Variants in SNN observed in about 807,000 individuals in gnomAD.
SNN encodes stannin.
In SNN, 5 loss-of-function variants were observed where a neutral mutation model predicts 5.3. The observed-to-expected ratio is 0.94, with a 90% CI of 0.49 to 1.97. SNN has a LOEUF of 1.97. Ranked by LOEUF, SNN falls within the 30% of genes most tolerant of loss-of-function variation. The pLI is 0.01. For synonymous variants in SNN, 67 were observed against 52.1 expected (o/e 1.29, Z -1.24); for missense variants, 127 against 121.6 (o/e 1.04, Z -0.21).
rs1444709011 is a variant in SNN at position 11,672,284 on chromosome 16, C to T, written c.-85-3691C>T. On this transcript the variant is annotated intron_variant, in intron 1 of 1. Coordinates refer to ENST00000329565, the MANE Select transcript of SNN (RefSeq NM_003498.6). The surrounding 1 kb of genome is among the most constrained non-coding windows in gnomAD (Gnocchi z 6.0). Reference sequence around the variant, plus strand: ...GAGTGAGACAGCAGCCAGGGGACAGCCCCTGAGCCTAGAGAAGGGCAGGTA... The same window carrying T: ...GAGTGAGACAGCAGCCAGGGGACAGTCCCTGAGCCTAGAGAAGGGCAGGTA... Among the ~76,000 whole-genome samples the T allele has an allele frequency of 6.6e-6, 1 of 152,166 alleles. No individual in the cohort carries two copies. The highest frequency in any genetic ancestry group is 1.5e-5 in the Non-Finnish European group (1 of 68,024).
In SNN at chr16:11,676,443, T is replaced by C; in HGVS notation, c.*117T>C. 1 of 1,282,948 alleles carries C rather than the reference T, an allele frequency of 7.8e-7. No homozygotes were observed. The highest frequency in any genetic ancestry group is 1.1e-6 in the Non-Finnish European group (1 of 936,556). 79.5% of individuals were successfully genotyped at this position (1,282,948 alleles called of 1,614,324 possible). A position where few individuals can be genotyped will look rare whatever the true frequency, so the allele number is the denominator to read the frequency against. ...AGGGCTGACACTTGCTGGCATGGCC[T>C]CTGCGGGCTTCGTCATCGCATGCAC... On this transcript the variant is annotated 3_prime_UTR_variant, in exon 2 of 2. Transcript: ENST00000329565.
Position 11,677,761 on chromosome 16 carries a change from A to G in SNN, c.*1435A>G. ...TGACTCGTGCCTGCCCATCCCTGTA[A>G]TAGATGGAAGGTCAGCCCCGGCTTA... On this transcript the variant is annotated 3_prime_UTR_variant, in exon 2 of 2. Coordinates refer to ENST00000329565, the MANE Select transcript of SNN (RefSeq NM_003498.6). The surrounding 1 kb of genome is among the most constrained non-coding windows in gnomAD (Gnocchi z 4.2). 6.0e-6 allele frequency: 1 copy of G among 167,192 alleles called. No homozygotes were observed. The allele number at this position is 167,192 out of a possible 1,614,324, so 10.4% of individuals were successfully genotyped here. A position where few individuals can be genotyped will look rare whatever the true frequency, so the allele number is the denominator to read the frequency against.
chr16:11,674,110 A>C (rs1300668034), intron 1 of SNN, among the ~76,000 whole-genome samples: 1 of 152,210 alleles, frequency 6.6e-6, no homozygotes, highest in African/African-American at 2.4e-5. Flanking sequence ...CTGTTCCTCA[A>C]GGACGCAGCA....
Position 11,676,120 on chromosome 16 carries a change from G to T in SNN, c.61G>T (p.Ala21Ser). ...GVVTVIVILI[A>S]IAALGALILG... ...GGTCACAGTCATCGTCATCCTCATT[G>T]CCATCGCGGCCCTGGGGGCCTTGAT... The change falls in exon 2 of 2, where the codon GCC (alanine) becomes TCC (serine). Residue 21 changes from alanine (A) to serine (S), a missense_variant. By Grantham distance (99) the Ala-to-Ser change is moderately conservative. Transcript: ENST00000329565. The T allele has an allele frequency of 1.9e-6, 3 of 1,614,092 alleles. No individual in the cohort carries two copies. Among genetic ancestry groups the T allele is most frequent in the Non-Finnish European group, 2.5e-6 (3 of 1,179,984 alleles).
chr16:11,676,341 C>T lies in SNN; in HGVS notation c.*15C>T. 1 of 1,604,374 alleles carries T rather than the reference C, an allele frequency of 6.2e-7. No individual in the cohort carries two copies. The highest frequency in any genetic ancestry group is 2.2e-5 in the East Asian group (1 of 44,608). On this transcript the variant is annotated 3_prime_UTR_variant, in exon 2 of 2. Coordinates refer to ENST00000329565, the MANE Select transcript of SNN (RefSeq NM_003498.6). ...TCCACGGCTGAGCCAGGATGCAAGG[C>T]TCCTGGTCCTGTTTGCAGCCGGCCA...
intron 1 of SNN, among the ~76,000 whole-genome samples, chr16:11,673,255 G>A (rs1218197119): frequency 1.3e-5 from 2 of 152,148 alleles, no homozygotes; most frequent in Non-Finnish European, 2.9e-5. Context: ...ACAGCTAAGT[G>A]GGGTTGTGGA....
chr16:11,668,916 G>A lies in SNN; in HGVS notation c.-86+376G>A. Among the ~76,000 whole-genome samples the A allele has an allele frequency of 6.6e-6, 1 of 151,996 alleles. No individual in the cohort carries two copies. Among genetic ancestry groups the A allele is most frequent in the Non-Finnish European group, 1.5e-5 (1 of 67,942 alleles). On this transcript the variant is annotated intron_variant, in intron 1 of 1. Coordinates refer to ENST00000329565, the MANE Select transcript of SNN (RefSeq NM_003498.6). The surrounding 1 kb of genome is among the most constrained non-coding windows in gnomAD (Gnocchi z 6.8). ...TTCAAAATTCTGGGAGCTCCGGGGA[G>A]GGCTCCGGGGATAGGGGTCCAGGTG...
rs547940801 is a variant in SNN, at chr16:11,673,642, G to C, written c.-85-2333G>C. ...CTCCAGACATGGCCAGATGTCCCCA[G>C]GGTGGGGACACAGTGGCCCCCAGTT... is the stretch of plus-strand genomic sequence containing the variant. On this transcript the variant is annotated intron_variant, in intron 1 of 1. Transcript: ENST00000329565. Among the ~76,000 whole-genome samples the C allele has an allele frequency of 2.6e-5, 4 of 152,350 alleles. No homozygotes were observed. The East Asian group carries it at 5.8e-4, about 22-fold the overall frequency.
intron 1 of SNN, among the ~76,000 whole-genome samples, chr16:11,674,717 C>G (rs1470862632): frequency 1.3e-5 from 2 of 152,214 alleles, no homozygotes; most frequent in African/African-American, 4.8e-5. Context: ...GCCAGGGGGA[C>G]CCTCTCTGCC....
At chr16:11,669,626 T>C (rs917986480) in intron 1 of SNN, among the ~76,000 whole-genome samples, 6 of 152,376 alleles carry the variant, frequency 3.9e-5, no homozygotes, top group African/African-American at 1.4e-4. Context: ...GCTGTTTATC[T>C]CAGTGTCTGG....
chr16:11,669,456 G>A (rs534219840), intron 1 of SNN, among the ~76,000 whole-genome samples: 1 of 152,220 alleles, frequency 6.6e-6, no homozygotes, highest in African/African-American at 2.4e-5. Context: ...TTGGATGCAG[G>A]TTGCCTGGGT....
Position 11,676,002 on chromosome 16 carries a change from C to T in SNN, c.-58C>T. 1 of 1,524,482 alleles carries T rather than the reference C, an allele frequency of 6.6e-7. No individual in the cohort carries two copies. The allele number at this position is 1,524,482 out of a possible 1,614,324, so 94.4% of individuals were successfully genotyped here. A position where few individuals can be genotyped will look rare whatever the true frequency, so the allele number is the denominator to read the frequency against. On this transcript the variant is annotated 5_prime_UTR_variant, in exon 2 of 2. Transcript: ENST00000329565. ...CTCCCGTGTCCAGCCTGAGTTCCAGCCTCACTGAGTGGCCACCCCCAAAGT... is the reference window on the plus strand; with the variant it reads ...CTCCCGTGTCCAGCCTGAGTTCCAGTCTCACTGAGTGGCCACCCCCAAAGT...
At chr16:11,673,659 C>T (rs914921048) in intron 1 of SNN, among the ~76,000 whole-genome samples, 2 of 152,220 alleles carry the variant, frequency 1.3e-5, no homozygotes, top group African/African-American at 4.8e-5. Context: ...GACACAGTGG[C>T]CCCCAGTTGA....
intron 1 of SNN, among the ~76,000 whole-genome samples, chr16:11,669,082 G>T (rs1050600827): frequency 6.6e-6 from 1 of 152,144 alleles, no homozygotes; most frequent in Non-Finnish European, 1.5e-5. Flanking sequence ...CCGTCGGGCC[G>T]ATTCGAGCTA....
chr16:11,673,237 G>A (rs1048998514), intron 1 of SNN, among the ~76,000 whole-genome samples: 1 of 152,176 alleles, frequency 6.6e-6, no homozygotes, highest in Non-Finnish European at 1.5e-5. Context: ...GTCTGGAGGC[G>A]TGAGAGAACA....
intron 1 of SNN, among the ~76,000 whole-genome samples, chr16:11,670,275 C>A (rs2050258814): frequency 6.6e-6 from 1 of 152,140 alleles, no homozygotes. Flanking sequence ...GTAAGCAGGG[C>A]AGCCCTCCTG....
rs1051167163 is a variant in SNN, at chr16:11,676,633, A to T, written c.*307A>T. 1 of 383,050 alleles carries T rather than the reference A, an allele frequency of 2.6e-6. No homozygotes were observed. The highest frequency in any genetic ancestry group is 5.0e-6 in the Non-Finnish European group (1 of 199,446). 23.7% of individuals were successfully genotyped at this position (383,050 alleles called of 1,614,324 possible). A position where few individuals can be genotyped will look rare whatever the true frequency, so the allele number is the denominator to read the frequency against. ...TGTTTTTGATGGAGCTACTACTGTAATGCGTGAACTAACAAACCTGTGAAC... is the reference window on the plus strand; with the variant it reads ...TGTTTTTGATGGAGCTACTACTGTATTGCGTGAACTAACAAACCTGTGAAC... On this transcript the variant is annotated 3_prime_UTR_variant, in exon 2 of 2. Coordinates refer to ENST00000329565, the MANE Select transcript of SNN (RefSeq NM_003498.6).
Position 11,671,623 on chromosome 16 carries a change from T to C in SNN, c.-86+3083T>C, listed in dbSNP as rs2050266280. ...ATGTGAGCTGCTGTCATGATGGTTG[T>C]TGGGTGGGCCAGGATTCCCATGTGC... On this transcript the variant is annotated intron_variant, in intron 1 of 1. Coordinates refer to ENST00000329565, the MANE Select transcript of SNN (RefSeq NM_003498.6). The surrounding 1 kb of genome is among the most constrained non-coding windows in gnomAD (Gnocchi z 4.7). Among the ~76,000 whole-genome samples the C allele has an allele frequency of 6.6e-6, 1 of 152,182 alleles. No homozygotes were observed. The highest frequency in any genetic ancestry group is 6.5e-5 in the Admixed American group (1 of 15,280).
chr16:11,678,064 C>T lies in SNN; in HGVS notation c.*1738C>T, dbSNP rs1052247436. On this transcript the variant is annotated 3_prime_UTR_variant, in exon 2 of 2. Coordinates refer to ENST00000329565, the MANE Select transcript of SNN (RefSeq NM_003498.6). ...GGTAATGAAACACCTCAGCTGGGCT[C>T]TTGGGAGACCTTAGGAAGCAGGAGA... 7.2e-5 allele frequency: 12 copies of T among 167,128 alleles called. No homozygotes were observed. The highest frequency in any genetic ancestry group is 1.3e-4 in the Non-Finnish European group (9 of 68,154). The allele number at this position is 167,128 out of a possible 1,614,324, so 10.4% of individuals were successfully genotyped here. A position where few individuals can be genotyped will look rare whatever the true frequency, so the allele number is the denominator to read the frequency against.
Sources: allele counts gnomAD v4.1 joint callset (sites outside exome capture counted in the v4.1 genomes callset), GRCh38; gene constraint gnomAD v4.1.1; non-coding constraint Gnocchi (gnomAD v3.1); transcripts MANE v1.5; gene names NCBI Gene and HGNC (gene_info 2026-07-23, HGNC 2026-07-21).